Variants in CPS1 observed in about 807,000 individuals in gnomAD.
The protein encoded by CPS1 is carbamoyl-phosphate synthase [ammonia], mitochondrial.
Under a neutral mutation model 174.6 loss-of-function variants are expected in CPS1, and 109 were observed. The observed-to-expected ratio is 0.62, with a 90% confidence interval of 0.53 to 0.73. The LOEUF (loss-of-function observed/expected upper bound fraction) is 0.73, where lower values mean the gene tolerates loss of function less well. CPS1 is among the 30% of genes least tolerant of loss of function. The pLI, the probability that CPS1 is intolerant of heterozygous loss-of-function variation, is 0.00. For missense variants in CPS1, 1,689 were observed against 1,821.9 expected (o/e 0.93, Z 1.33); for synonymous variants, 637 against 632.0 (o/e 1.01, Z -0.12).
At chr2:210,532,145 T>C (rs1267908150) in intron 1 of CPS1, among the ~76,000 whole-genome samples, 1 of 152,132 alleles carries the variant, frequency 6.6e-6, no homozygotes, top group Non-Finnish European at 1.5e-5. Flanking sequence ...AGCATTTCAT[T>C]AGTCTTGACC....
chr2:210,527,654 T>A (rs974060608), intron 1 of CPS1, among the ~76,000 whole-genome samples: 10 of 151,956 alleles, frequency 6.6e-5, no homozygotes, highest in Non-Finnish European at 1.3e-4. Context: ...TTCTTTGTTA[T>A]GTTTACTAGC....
Position 210,593,644 on chromosome 2 carries a change from C to A in CPS1, c.1164+688C>A, listed in dbSNP as rs937733582. 3.0e-6 allele frequency: 3 copies of A among 985,230 alleles called. No individual in the cohort carries two copies. The African/African-American group carries it at 5.2e-5, about 17-fold the overall frequency. The allele number at this position is 985,230 out of a possible 1,614,324, so 61.0% of individuals were successfully genotyped here. ...CCAGGGGCCTCCAGTAGCAAATCTT[C>A]ATTGTCAGAACTCTCAGAAAAGACT... On this transcript the variant is annotated intron_variant, in intron 11 of 37. Coordinates refer to ENST00000233072, the MANE Select transcript of CPS1 (RefSeq NM_001875.5).
intron 1 of CPS1, among the ~76,000 whole-genome samples, chr2:210,526,742 A>G (rs1299642008): frequency 6.6e-6 from 1 of 151,960 alleles, no homozygotes; most frequent in African/African-American, 2.4e-5. Flanking sequence ...GAAGAGAGAG[A>G]ATGAAGCTGA....
At chr2:210,576,539 G>A in intron 3 of CPS1, 49 bp downstream of exon 3, 1 of 1,607,648 alleles carries the variant, frequency 6.2e-7, no homozygotes, top group Non-Finnish European at 8.5e-7. Context: ...AGGGAGTATA[G>A]TTGACTTATT....
At chr2:210,606,997 A>T in intron 18 of CPS1, 56 bp downstream of exon 18, 1 of 1,499,282 alleles carries the variant, frequency 6.7e-7, no homozygotes, top group Non-Finnish European at 9.2e-7. Context: ...TAGAAATGAA[A>T]AATTGACAGA....
Position 210,566,463 on chromosome 2 carries a change from A to G in CPS1, c.127-6835A>G, listed in dbSNP as rs181522135. ...TTTCACTTTGACAATTTACAGATTT[A>G]TAGATAGGTAGTTCTTGGTTGACCT... is the stretch of plus-strand genomic sequence containing the variant. On this transcript the variant is annotated intron_variant, in intron 1 of 37. Coordinates refer to ENST00000233072, the MANE Select transcript of CPS1 (RefSeq NM_001875.5). Among the ~76,000 whole-genome samples the G allele has an allele frequency of 2.8e-3, 423 of 152,304 alleles. 4 individuals are homozygous for G. Among genetic ancestry groups the G allele is most frequent in the Non-Finnish European group, 2.7e-3 (186 of 68,032 alleles).
chr2:210,612,291 A>G lies in CPS1; in HGVS notation c.2566A>G (p.Lys856Glu). ...CAGCACGCGTATCTATGCCATTGCC[A>G]AGGTAAGATGTTACAAGGGGCCCAC... ...PSSTRIYAIAKAIDDNMSLDE... is the reference protein window; with the variant it reads ...PSSTRIYAIAEAIDDNMSLDE... Residue 856 changes from lysine to glutamate, a missense_variant and splice_region_variant, in exon 20 of 38, where the codon AAG (lysine) becomes GAG (glutamate). Transcript: ENST00000233072. 8 of 1,611,866 alleles carry G rather than the reference A, an allele frequency of 5.0e-6. No individual in the cohort carries two copies. The highest frequency in any genetic ancestry group is 6.8e-6 in the Non-Finnish European group (8 of 1,178,488).
At chr2:210,599,335 C>T (rs753374871) in intron 13 of CPS1, 37 bp from the exon 14 acceptor site, 1 of 1,584,366 alleles carries the variant, frequency 6.3e-7, no homozygotes, top group Non-Finnish European at 8.7e-7. Flanking sequence ...TTCTTTAGAC[C>T]ATATATTCAT....
chr2:210,538,301 A>G (rs1432641196), intron 1 of CPS1, among the ~76,000 whole-genome samples: 1 of 152,114 alleles, frequency 6.6e-6, no homozygotes, highest in Admixed American at 6.5e-5. Context: ...TTCAATATTT[A>G]TGCAGATACA....
chr2:210,652,536 T>C (rs1700589383), intron 28 of CPS1, among the ~76,000 whole-genome samples: 1 of 152,124 alleles, frequency 6.6e-6, no homozygotes, highest in Non-Finnish European at 1.5e-5. Context: ...TGAAAGAGGA[T>C]AAAGGATAAC....
In CPS1 at chr2:210,491,808, G is replaced by T. The variant is rs563036068; in HGVS notation, c.3+14042G>T. On this transcript the variant is annotated intron_variant, in intron 1 of 38. Transcript: ENST00000430249. The stretch of plus-strand genomic sequence containing the variant: ...AATCTTCTGCTAGGTTAGGGGAGGG[G>T]GTCCTATAACAGCTGGAACATAGGC... 1.8e-4 allele frequency among the ~76,000 whole-genome samples: 27 copies of T among 152,270 alleles called. No individual in the cohort carries two copies. The South Asian group carries it at 5.6e-3, about 32-fold the overall frequency.
chr2:210,638,362 G>T (rs1005782880), intron 22 of CPS1, among the ~76,000 whole-genome samples: 1 of 151,972 alleles, frequency 6.6e-6, no homozygotes, highest in East Asian at 1.9e-4. Context: ...TGACAATCAC[G>T]CATGAACATT....
intron 5 of CPS1, 102 bp from the exon 6 acceptor site, chr2:210,582,515 C>T (rs1178137375): frequency 2.4e-6 from 2 of 834,394 alleles, no homozygotes; most frequent in Non-Finnish European, 4.2e-6. Context: ...GTTATAAAGA[C>T]ATCTAAGTCT....
chr2:210,620,512 T>C (rs569814498), intron 21 of CPS1, among the ~76,000 whole-genome samples: 1 of 151,804 alleles, frequency 6.6e-6, no homozygotes, highest in South Asian at 2.1e-4. Flanking sequence ...TATGAAGAGG[T>C]TTAATTGGCT....
chr2:210,542,260 A>G (rs1696452831), intron 1 of CPS1, among the ~76,000 whole-genome samples: 1 of 152,104 alleles, frequency 6.6e-6, no homozygotes, highest in African/African-American at 2.4e-5. Flanking sequence ...GTGCATGGAC[A>G]TTCTGATGTC....
chr2:210,495,746 T>C (rs1694977113), intron 1 of CPS1, among the ~76,000 whole-genome samples: 1 of 152,218 alleles, frequency 6.6e-6, no homozygotes, highest in African/African-American at 2.4e-5. Flanking sequence ...GAAAAGAGTA[T>C]ATGAAGAAAA....
intron 1 of CPS1, among the ~76,000 whole-genome samples, chr2:210,541,604 G>A (rs1559068425): frequency 6.6e-6 from 1 of 152,038 alleles, no homozygotes; most frequent in Non-Finnish European, 1.5e-5. Context: ...CTGACTAAGA[G>A]AAGTCCAAGG....
At chr2:210,591,720 G>T in intron 9 of CPS1, 111 bp from the exon 10 acceptor site, 1 of 1,213,410 alleles carries the variant, frequency 8.2e-7, no homozygotes, top group Non-Finnish European at 1.2e-6. Flanking sequence ...CTAAGCAATT[G>T]AAATTTTGAA....
intron 32 of CPS1, among the ~76,000 whole-genome samples, chr2:210,662,261 A>G (rs1315020436): frequency 6.6e-6 from 1 of 152,118 alleles, no homozygotes; most frequent in Non-Finnish European, 1.5e-5. Context: ...CTTTGTATAT[A>G]AATCTTAGTT....
Sources: gnomAD v4.1 joint callset for allele counts (sites outside exome capture counted in the v4.1 genomes callset) on GRCh38, gnomAD v4.1.1 for gene constraint, MANE v1.5 for transcripts, NCBI Gene and HGNC (gene_info 2026-07-23, HGNC 2026-07-21) for gene names.